EVC2: variants seen among roughly 807,000 people sequenced by gnomAD.
The protein encoded by EVC2 is limbin.
EVC2 carries 148 observed loss-of-function variants against 149.3 expected under a neutral mutation model. That is an observed-to-expected ratio of 0.99 (90% CI 0.87 to 1.14). The LOEUF (loss-of-function observed/expected upper bound fraction) is 1.14. Ranked by LOEUF, EVC2 falls within the 50% of genes most tolerant of loss-of-function variation. The probability of loss-of-function intolerance (pLI) is 0.00; values close to 1 mark genes in which losing one functional copy is unlikely to be tolerated. For synonymous variants in EVC2, 776 were observed against 649.9 expected, an observed-to-expected ratio of 1.19 and a Z score of -2.95; for missense variants, 1,854 against 1,627.3, an observed-to-expected ratio of 1.14 and a Z score of -2.40.
rs1715178184 is a variant in EVC2 at position 5,615,497 on chromosome 4, T to G, written c.2754A>C (p.Gly918=). 6.2e-7 allele frequency: 1 copy of G among 1,614,108 alleles called. No homozygotes were observed. The highest frequency in any genetic ancestry group is 1.3e-5 in the African/African-American group (1 of 74,944). ...CTTCGATGCACTTCTTCAGAAGCTCTCCCTTGCTTTTACTCTTGGACCGTG... is the reference window on the plus strand; with the variant it reads ...CTTCGATGCACTTCTTCAGAAGCTCGCCCTTGCTTTTACTCTTGGACCGTG... ...RKSRSKSKSK[G]ELLKKCIEDK... Residue 918 remains glycine (G), a synonymous_variant, in exon 16 of 22, where the codon GGA becomes GGC. Coordinates refer to ENST00000344408, the MANE Select transcript of EVC2 (RefSeq NM_147127.5).
rs1396100567 is a variant in EVC2, at chr4:5,706,350, ATAGACAC to A, written c.228+1929_228+1935del. 4.2e-5 allele frequency among the ~76,000 whole-genome samples: 3 copies of A among 71,212 alleles called. 1 individual carries two copies. Among genetic ancestry groups the A allele is most frequent in the African/African-American group, 2.3e-4 (3 of 12,886 alleles). 46.7% of individuals were successfully genotyped at this position (71,212 alleles called of 152,430 possible). On this transcript the variant is annotated intron_variant, in intron 1 of 21. Transcript: ENST00000344408. ...GATAGATAGATAGATACATAGATAG[ATAGACAC>A]ATAGATAGATACATAGATAGATACA...
chr4:5,547,939 C>T (rs548613410), intron 21 of EVC2, among the ~76,000 whole-genome samples: 18 of 152,280 alleles, frequency 1.2e-4, no homozygotes, highest in Admixed American at 7.8e-4. Flanking sequence ...TCCAAGCTTC[C>T]GTGTGCCACC....
At chr4:5,665,808 C>T (rs1329158641) in intron 7 of EVC2, among the ~76,000 whole-genome samples, 159 bp from the exon 8 acceptor site, 1 of 152,154 alleles carries the variant, frequency 6.6e-6, no homozygotes, top group African/African-American at 2.4e-5. Flanking sequence ...GCCTGGAGGC[C>T]CTCGCTGGTC....
chr4:5,535,601 A>AAGAGAGAGAGAGAGAG, the EVC2 span, among the ~76,000 whole-genome samples: 2,670 of 117,860 alleles, frequency 0.023, 24 homozygotes, highest in East Asian at 0.053. The surrounding 1 kb of genome is among the most constrained non-coding windows in gnomAD (Gnocchi z 4.7). Flanking sequence ...CATGCTTAGA[A>AAGAGAGAGAGAGAGAG]AGAGAGAGAG....
chr4:5,541,779 C>T (rs1721518126), downstream of EVC2, among the ~76,000 whole-genome samples: 4 of 152,122 alleles, frequency 2.6e-5, no homozygotes, highest in South Asian at 2.1e-4. Flanking sequence ...GGAATTCACC[C>T]GTTCATTCAA....
At chr4:5,684,183 T>A (rs903857837) in intron 6 of EVC2, among the ~76,000 whole-genome samples, 1 of 152,264 alleles carries the variant, frequency 6.6e-6, no homozygotes, top group Non-Finnish European at 1.5e-5. Flanking sequence ...TCTATTTTTG[T>A]ACCCTTATAC....
intron 16 of EVC2, among the ~76,000 whole-genome samples, chr4:5,587,790 A>T (rs1216398399): frequency 1.3e-5 from 2 of 152,160 alleles, no homozygotes; most frequent in East Asian, 3.9e-4. Flanking sequence ...GGGGCTGCAT[A>T]CACTGGTAAT....
At chr4:5,543,247 C>T in intron 21 of EVC2, 1 of 1,274,656 alleles carries the variant, frequency 7.8e-7, no homozygotes, top group Non-Finnish European at 1.0e-6. Flanking sequence ...TAACCAAAGT[C>T]TCTCCCATCC....
In EVC2 at chr4:5,625,955, C is replaced by A. The variant is rs776125067; in HGVS notation, c.1887-47G>T. On this transcript the variant is annotated intron_variant, in intron 12 of 21. Transcript: ENST00000344408. The surrounding 1 kb of genome is among the most constrained non-coding windows in gnomAD (Gnocchi z 4.0). ...TTAGGAATGTGGTCTCCAAACTCAC[C>A]TGTAGCTTAACTGCTATTGTGCCTG... The A allele has an allele frequency of 8.1e-6, 13 of 1,610,204 alleles. No homozygotes were observed. The highest frequency in any genetic ancestry group is 1.0e-5 in the Non-Finnish European group (12 of 1,178,144).
intron 6 of EVC2, among the ~76,000 whole-genome samples, chr4:5,684,850 C>T (rs1451495261): frequency 1.3e-5 from 2 of 152,030 alleles, no homozygotes; most frequent in African/African-American, 2.4e-5. Flanking sequence ...ATAGAAGAGG[C>T]TAGGACAGAC....
intron 9 of EVC2, among the ~76,000 whole-genome samples, chr4:5,642,918 T>C (rs1259448878): frequency 3.3e-5 from 5 of 152,232 alleles, no homozygotes; most frequent in African/African-American, 1.2e-4. Context: ...GTTTGAGCAA[T>C]TTAAAGCAAA....
chr4:5,663,198 C>G lies in EVC2; in HGVS notation c.1054G>C (p.Asp352His), dbSNP rs779286784. Reference sequence around the variant, plus strand: ...AGGGAAAGGTCCTCATTCACGCCATCAGCTGAGGTGAACGGCAAGGGTTCC... The same window carrying G: ...AGGGAAAGGTCCTCATTCACGCCATGAGCTGAGGTGAACGGCAAGGGTTCC... ...KLEPLPFTSA[D>H]GVNEDLSLND... is the part of the protein sequence containing the mutation. The change falls in exon 9 of 22, where the codon GAT becomes CAT. Residue 352 changes from aspartate (D) to histidine (H), a missense_variant. Coordinates refer to ENST00000344408, the MANE Select transcript of EVC2 (RefSeq NM_147127.5). The G allele has an allele frequency of 1.6e-5, 26 of 1,614,162 alleles. No individual in the cohort carries two copies. The highest frequency in any genetic ancestry group is 2.2e-5 in the Non-Finnish European group (26 of 1,180,016).
chr4:5,641,627 T>C (rs1480265626), intron 9 of EVC2, among the ~76,000 whole-genome samples: 4 of 152,202 alleles, frequency 2.6e-5, no homozygotes, highest in Non-Finnish European at 5.9e-5. Context: ...TAATCATACC[T>C]CTATAAAGCG....
rs182321411 is a variant in EVC2 at position 5,618,541 on chromosome 4, C to G, written c.2643G>C (p.Gln881His). Reference protein sequence around the residue: ...IRARVLLQQFQTAWREAEFVK... With the variant: ...IRARVLLQQFHTAWREAEFVK... Reference sequence around the variant, plus strand: ...CGAACTCTGCTTCTCGCCACGCAGTCTGAAATTGCTGCAGCAGAACTCGGG... The same window carrying G: ...CGAACTCTGCTTCTCGCCACGCAGTGTGAAATTGCTGCAGCAGAACTCGGG... Residue 881 changes from glutamine to histidine, a missense_variant, in exon 15 of 22, where the codon CAG becomes CAC. Coordinates refer to ENST00000344408, the MANE Select transcript of EVC2 (RefSeq NM_147127.5). The surrounding 1 kb of genome is among the most constrained non-coding windows in gnomAD (Gnocchi z 4.4). 32 of 1,614,156 alleles carry G rather than the reference C, an allele frequency of 2.0e-5. No homozygotes were observed. In the East Asian group the frequency reaches 4.5e-4, roughly 22 times the overall value.
chr4:5,597,440 C>T (rs1713544218), intron 16 of EVC2, among the ~76,000 whole-genome samples: 1 of 151,792 alleles, frequency 6.6e-6, no homozygotes, highest in Non-Finnish European at 1.5e-5. Flanking sequence ...TGTAATCCAG[C>T]ATATAAACAG....
chr4:5,669,216 A>G (rs1320507519), intron 7 of EVC2, among the ~76,000 whole-genome samples: 1 of 152,194 alleles, frequency 6.6e-6, no homozygotes. Flanking sequence ...AGAAAATTAA[A>G]TTGTTGTATT....
At chr4:5,659,161 G>A (rs1718720768) in intron 9 of EVC2, among the ~76,000 whole-genome samples, 2 of 152,310 alleles carry the variant, frequency 1.3e-5, no homozygotes, top group East Asian at 1.9e-4. Context: ...CATGGGGCTT[G>A]AAATGAGGGG....
intron 9 of EVC2, among the ~76,000 whole-genome samples, chr4:5,660,561 AT>A (rs1462011767): frequency 1.3e-5 from 2 of 152,140 alleles, no homozygotes; most frequent in Non-Finnish European, 2.9e-5. Context: ...CAGATCTCCC[AT>A]TTTCAGTATG....
intron 17 of EVC2, among the ~76,000 whole-genome samples, chr4:5,580,814 T>C (rs570653844): frequency 8.5e-4 from 129 of 152,386 alleles, no homozygotes; most frequent in African/African-American, 2.8e-3. Context: ...TCATGTTGAA[T>C]TGTAATCCCC....
Sources: allele counts gnomAD v4.1 joint callset (sites outside exome capture counted in the v4.1 genomes callset), GRCh38; gene constraint gnomAD v4.1.1; non-coding constraint Gnocchi (gnomAD v3.1); transcripts MANE v1.5; gene names NCBI Gene and HGNC (gene_info 2026-07-23, HGNC 2026-07-21).